Variants in CIBAR1 observed in about 807,000 individuals in gnomAD.
The protein encoded by CIBAR1 is CBY1-interacting BAR domain-containing protein 1.
CIBAR1 carries 25 observed loss-of-function variants against 44.0 expected under a neutral mutation model. The observed-to-expected ratio is 0.57, with a 90% confidence interval of 0.41 to 0.79. The LOEUF is 0.79. Ranked by LOEUF, CIBAR1 falls within the 30% of genes least tolerant of loss-of-function variation. The probability of loss-of-function intolerance (pLI) is 0.00; values close to 1 mark genes in which losing one functional copy is unlikely to be tolerated. For missense variants in CIBAR1, 278 were observed against 344.8 expected (o/e 0.81, Z 1.53); for synonymous variants, 115 against 119.0 (o/e 0.97, Z 0.22).
At position 93,713,700 on chromosome 8, in the gene CIBAR1, A is replaced by G. The variant is rs1433585464; in HGVS notation, c.543+3825A>G. On this transcript the variant is annotated intron_variant, in intron 6 of 8. Coordinates refer to ENST00000518322, the MANE Select transcript of CIBAR1 (RefSeq NM_145269.5). ...AAGGTTAAATTTCATTCTTTTGCAT[A>G]TGACTGTCTGGTTGCAGCACCATTT... is the stretch of plus-strand genomic sequence containing the variant. Among the ~76,000 whole-genome samples the G allele has an allele frequency of 6.6e-5, 10 of 152,328 alleles. No homozygotes were observed. In the South Asian group the frequency reaches 1.7e-3, roughly 25 times the overall value.
At chr8:93,724,643 G>A (rs573727081) in intron 7 of CIBAR1, 1 of 1,193,074 alleles carries the variant, frequency 8.4e-7, no homozygotes, top group Admixed American at 3.1e-5. Context: ...GGTCTTCTAG[G>A]TAAAAGATAA....
intron 6 of CIBAR1, among the ~76,000 whole-genome samples, chr8:93,714,103 T>C (rs779074861): frequency 1.2e-4 from 18 of 152,224 alleles, no homozygotes; most frequent in Non-Finnish European, 2.6e-4. Context: ...GAACATGGGA[T>C]ATTTTTCCAT....
At chr8:93,716,516 T>C (rs1811043907) in intron 6 of CIBAR1, among the ~76,000 whole-genome samples, 1 of 152,204 alleles carries the variant, frequency 6.6e-6, no homozygotes, top group Admixed American at 6.5e-5. Context: ...TATATTTCTG[T>C]TGGATGTTGG....
chr8:93,704,032 C>G (rs952397078), intron 3 of CIBAR1, among the ~76,000 whole-genome samples: 19 of 151,292 alleles, frequency 1.3e-4, no homozygotes, highest in Middle Eastern at 6.8e-3. Flanking sequence ...CCACTGCACT[C>G]CAGCACAGGC....
chr8:93,727,221 T>G, intron 8 of CIBAR1: 1 of 1,274,134 alleles, frequency 7.8e-7, no homozygotes, highest in Non-Finnish European at 1.0e-6. Flanking sequence ...TTCAACAAAC[T>G]TATTTTCAAG....
chr8:93,703,660 C>G lies in CIBAR1; in HGVS notation c.302C>G (p.Thr101Ser). 1.9e-6 allele frequency: 3 copies of G among 1,552,674 alleles called. No homozygotes were observed. Among genetic ancestry groups the G allele is most frequent in the Non-Finnish European group, 2.6e-6 (3 of 1,147,852 alleles). Reference sequence around the variant, plus strand: ...GCCAAAGTAGTTGAACCCTTGAAAACTTATGGGACCATTGTGAAAATGAAA... The same window carrying G: ...GCCAAAGTAGTTGAACCCTTGAAAAGTTATGGGACCATTGTGAAAATGAAA... ...LEAKVVEPLK[T>S]YGTIVKMKRD... The change falls in exon 3 of 9, where the codon ACT becomes AGT. Residue 101 changes from threonine to serine, a missense_variant. Coordinates refer to ENST00000518322, the MANE Select transcript of CIBAR1 (RefSeq NM_145269.5).
chr8:93,722,105 C>T (rs1186892884), intron 7 of CIBAR1, among the ~76,000 whole-genome samples: 3 of 152,154 alleles, frequency 2.0e-5, no homozygotes, highest in East Asian at 1.9e-4. Context: ...CAGGCATAAA[C>T]TATTATTATG....
chr8:93,724,407 C>T (rs1312212793), intron 7 of CIBAR1: 1 of 407,620 alleles, frequency 2.5e-6, no homozygotes, highest in Admixed American at 2.6e-5. Context: ...CTCACTGCAG[C>T]CTTGACCTCT....
rs1810748688 is a variant in CIBAR1, at chr8:93,709,814, C to T, written c.482C>T (p.Thr161Ile). Residue 161 changes from threonine to isoleucine, a missense_variant, in exon 6 of 9, where the codon ACA becomes ATA. By Grantham distance (89) the Thr-to-Ile change is moderately conservative. Transcript: ENST00000518322. ...AGAGCTGCAATGGATGCTAGCCGAA[C>T]AAGTCGTCATCTGGAGGAAACTATT... is the stretch of plus-strand genomic sequence containing the variant. Reference protein sequence around the residue: ...LQRAAMDASRTSRHLEETINN... With the variant: ...LQRAAMDASRISRHLEETINN... 1.2e-6 allele frequency: 2 copies of T among 1,613,126 alleles called. No individual in the cohort carries two copies. The highest frequency in any genetic ancestry group is 1.7e-6 in the Non-Finnish European group (2 of 1,179,718).
rs1416880074 is a variant in CIBAR1, at chr8:93,709,932, A to G, written c.543+57A>G. The G allele has an allele frequency of 6.0e-6, 8 of 1,328,886 alleles. No individual in the cohort carries two copies. In the East Asian group the frequency reaches 1.3e-4, roughly 21 times the overall value. The allele number at this position is 1,328,886 out of a possible 1,614,324, so 82.3% of individuals were successfully genotyped here. On this transcript the variant is annotated intron_variant, in intron 6 of 8. Coordinates refer to ENST00000518322, the MANE Select transcript of CIBAR1 (RefSeq NM_145269.5). Reference sequence around the variant, plus strand: ...GTTTTTAACCTTTTTTTTTACTTTAATGAAAAATTTAAATTACTCTAAATT... The same window carrying G: ...GTTTTTAACCTTTTTTTTTACTTTAGTGAAAAATTTAAATTACTCTAAATT...
chr8:93,718,791 A>T lies in CIBAR1; in HGVS notation c.657+3A>T. The T allele has an allele frequency of 6.7e-7, 1 of 1,498,724 alleles. No homozygotes were observed. Among genetic ancestry groups the T allele is most frequent in the South Asian group, 1.3e-5 (1 of 79,438 alleles). The allele number at this position is 1,498,724 out of a possible 1,614,324, so 92.8% of individuals were successfully genotyped here. A position where few individuals can be genotyped will look rare whatever the true frequency, so the allele number is the denominator to read the frequency against. ...TTGATGAAGATGAAGATTTAGAGGT[A>T]GGACTATGTCTATCTAAGCTCAGTT... On this transcript the variant is annotated splice_donor_region_variant and intron_variant, in intron 7 of 8. Transcript: ENST00000518322.
At chr8:93,727,716 G>T (rs1381237578) in intron 8 of CIBAR1, among the ~76,000 whole-genome samples, 2 of 152,180 alleles carry the variant, frequency 1.3e-5, no homozygotes, top group Admixed American at 1.3e-4. Flanking sequence ...ACCCTCAAGA[G>T]AAGTTTTAAG....
At chr8:93,713,624 A>T (rs1810920122) in intron 6 of CIBAR1, among the ~76,000 whole-genome samples, 1 of 152,216 alleles carries the variant, frequency 6.6e-6, no homozygotes, top group Non-Finnish European at 1.5e-5. Flanking sequence ...TTCAGCCCTT[A>T]TATGTCTTTG....
chr8:93,700,651 A>G lies in CIBAR1; in HGVS notation c.4A>G (p.Met2Val). 1.3e-6 allele frequency: 2 copies of G among 1,502,422 alleles called. No individual in the cohort carries two copies. Among genetic ancestry groups the G allele is most frequent in the South Asian group, 1.3e-5 (1 of 79,304 alleles). The allele number at this position is 1,502,422 out of a possible 1,614,324, so 93.1% of individuals were successfully genotyped here. Residue 2 changes from methionine (M) to valine (V), a missense_variant, in exon 1 of 9, where the codon ATG (methionine) becomes GTG (valine). By Grantham distance (21) the Met-to-Val change is conservative. This residue lies in a region of CIBAR1 where 183 missense variants were observed against 218.6 expected (regional missense o/e 0.84). Coordinates refer to ENST00000518322, the MANE Select transcript of CIBAR1 (RefSeq NM_145269.5). The part of the protein sequence containing the change: M[M>V]RRTLENRNAQ... ...CCCCGGCCGTGCGCGAGGCAGCATG[A>G]TGAGGCGCACCCTGGAAAACCGGTA...
chr8:93,714,100 G>T (rs1376681984), intron 6 of CIBAR1, among the ~76,000 whole-genome samples: 1 of 151,756 alleles, frequency 6.6e-6, no homozygotes, highest in Non-Finnish European at 1.5e-5. Flanking sequence ...CATGAACATG[G>T]GATATTTTTC....
chr8:93,708,562 T>C (rs958514422), intron 5 of CIBAR1, among the ~76,000 whole-genome samples: 1 of 152,222 alleles, frequency 6.6e-6, no homozygotes, highest in Non-Finnish European at 1.5e-5. Context: ...TATGAGTACA[T>C]GTCCAAGCGT....
chr8:93,700,901 C>T (rs919595908), intron 1 of CIBAR1: 46 of 1,316,364 alleles, frequency 3.5e-5, no homozygotes, highest in South Asian at 7.1e-5. Flanking sequence ...CACCGGGTCT[C>T]GGGTCCCCAC....
At chr8:93,712,247 C>A (rs1047416579) in intron 6 of CIBAR1, among the ~76,000 whole-genome samples, 3 of 152,208 alleles carry the variant, frequency 2.0e-5, no homozygotes, top group Non-Finnish European at 2.9e-5. Flanking sequence ...CCCTAAGCAG[C>A]CACCACTAAT....
intron 7 of CIBAR1, among the ~76,000 whole-genome samples, chr8:93,723,510 T>TC (rs573273691): frequency 6.6e-6 from 1 of 151,826 alleles, no homozygotes; most frequent in African/African-American, 2.4e-5. Flanking sequence ...GGTCTCCTTT[T>TC]CCCCCCCTCA....
Sources: allele counts gnomAD v4.1 joint callset (sites outside exome capture counted in the v4.1 genomes callset), GRCh38; gene constraint gnomAD v4.1.1; regional missense constraint gnomAD v4.1.1; transcripts MANE v1.5; gene names NCBI Gene and HGNC (gene_info 2026-07-23, HGNC 2026-07-21).